Variants in CSMD1 observed in about 807,000 individuals in gnomAD.
The protein encoded by CSMD1 is CUB and sushi domain-containing protein 1.
CSMD1 carries 213 observed loss-of-function variants against 417.5 expected under a neutral mutation model. The observed-to-expected ratio is 0.51, with a 90% CI of 0.46 to 0.57. The LOEUF is 0.57. Ranked by LOEUF, CSMD1 falls within the 20% of genes least tolerant of loss-of-function variation. The pLI is 0.00. For synonymous variants in CSMD1, 2,862 were observed against 1,736.8 expected (o/e 1.65, Z -16.11); for missense variants, 6,923 against 4,529.7 (o/e 1.53, Z -15.17).
At chr8:4,719,275 T>TA (rs1808891752) in intron 1 of CSMD1, among the ~76,000 whole-genome samples, 1 of 152,186 alleles carries the variant, frequency 6.6e-6, no homozygotes, top group South Asian at 2.1e-4. Flanking sequence ...AGGACTAAAT[T>TA]AACAAAGTAG....
chr8:4,071,557 C>T (rs533517128), intron 3 of CSMD1, among the ~76,000 whole-genome samples: 64 of 152,154 alleles, frequency 4.2e-4, no homozygotes, highest in Admixed American at 1.2e-3. Flanking sequence ...AATCCTTCTC[C>T]GCTAATTCCA....
intron 37 of CSMD1, among the ~76,000 whole-genome samples, chr8:3,169,710 G>A (rs1563106202): frequency 7.3e-6 from 1 of 137,686 alleles, no homozygotes; most frequent in African/African-American, 2.6e-5. Flanking sequence ...TGAGTCTAGA[G>A]CTAGAAATAT....
chr8:4,036,634 G>C (rs112631748), intron 3 of CSMD1, among the ~76,000 whole-genome samples: 7 of 152,292 alleles, frequency 4.6e-5, no homozygotes, highest in African/African-American at 1.4e-4. Context: ...GGATGTCAAA[G>C]AAAAAACTAG....
At chr8:4,292,734 C>T (rs1244160613) in intron 3 of CSMD1, among the ~76,000 whole-genome samples, 2 of 152,112 alleles carry the variant, frequency 1.3e-5, no homozygotes, top group African/African-American at 2.4e-5. Flanking sequence ...TATTAGGCCT[C>T]TAGTATCTTC....
chr8:4,550,013 G>C (rs973503752), intron 2 of CSMD1, among the ~76,000 whole-genome samples: 13 of 150,966 alleles, frequency 8.6e-5, no homozygotes, highest in Admixed American at 4.0e-4. Flanking sequence ...TCAAGGACAA[G>C]AGTGGAGGAG....
rs187473952 is a variant in CSMD1 at position 4,381,382 on chromosome 8, G to C, written c.415+38571C>G. On this transcript the variant is annotated intron_variant, in intron 3 of 69. Coordinates refer to ENST00000635120, the MANE Select transcript of CSMD1 (RefSeq NM_033225.6). ...ACCCTATGACCCTGTGGCTGTAAGA[G>C]TAAGCAGGGGTGGAAAACCCATGAA... Among the ~76,000 whole-genome samples the C allele has an allele frequency of 1.3e-4, 20 of 152,228 alleles. No homozygotes were observed. In the East Asian group the frequency reaches 3.5e-3, roughly 26 times the overall value.
intron 2 of CSMD1, among the ~76,000 whole-genome samples, chr8:4,569,675 A>G (rs1798789648): frequency 6.6e-6 from 1 of 152,196 alleles, no homozygotes; most frequent in Admixed American, 6.5e-5. Flanking sequence ...AATTCTGTGA[A>G]CAAAGTCAAT....
intron 2 of CSMD1, among the ~76,000 whole-genome samples, chr8:4,623,712 A>G (rs1801916367): frequency 6.6e-6 from 1 of 152,146 alleles, no homozygotes. Flanking sequence ...TCTGAGTGAA[A>G]GAAGTTAGGC....
chr8:4,797,717 T>C (rs1222538055), intron 1 of CSMD1, among the ~76,000 whole-genome samples: 1 of 152,212 alleles, frequency 6.6e-6, no homozygotes, highest in Non-Finnish European at 1.5e-5. Flanking sequence ...AGATACCTCC[T>C]TAACTGGGAT....
At chr8:3,756,036 G>A (rs915639175) in intron 5 of CSMD1, among the ~76,000 whole-genome samples, 3 of 152,022 alleles carry the variant, frequency 2.0e-5, no homozygotes, top group Non-Finnish European at 4.4e-5. Flanking sequence ...CCACTCACCT[G>A]TACTTACTGA....
At chr8:4,034,973 C>G (rs549487619) in intron 3 of CSMD1, among the ~76,000 whole-genome samples, 29 of 152,162 alleles carry the variant, frequency 1.9e-4, no homozygotes, top group South Asian at 8.3e-4. Context: ...TTAGTCTGCG[C>G]GACTCTTCTA....
At chr8:3,668,642 T>G (rs578052012) in intron 7 of CSMD1, among the ~76,000 whole-genome samples, 34 of 151,746 alleles carry the variant, frequency 2.2e-4, no homozygotes, top group Non-Finnish European at 4.3e-4. Context: ...CTGAACAGAG[T>G]GTGCAATATA....
chr8:4,848,286 G>T (rs1801260656), intron 1 of CSMD1, among the ~76,000 whole-genome samples: 1 of 152,140 alleles, frequency 6.6e-6, no homozygotes, highest in Admixed American at 6.5e-5. Flanking sequence ...AAACATTGTT[G>T]TACCAGTTTT....
intron 3 of CSMD1, among the ~76,000 whole-genome samples, chr8:4,337,503 G>A (rs1023506449): frequency 2.0e-5 from 3 of 151,900 alleles, no homozygotes; most frequent in South Asian, 2.1e-4. Context: ...TATATTCTAA[G>A]GATAATTAAT....
intron 1 of CSMD1, among the ~76,000 whole-genome samples, chr8:4,770,597 C>G (rs771421633): frequency 6.6e-6 from 1 of 151,826 alleles, no homozygotes; most frequent in African/African-American, 2.4e-5. Flanking sequence ...AAACCTATGG[C>G]ATTGGCATAA....
chr8:3,621,331 A>G (rs1049318883), intron 7 of CSMD1, among the ~76,000 whole-genome samples: 2 of 152,198 alleles, frequency 1.3e-5, no homozygotes, highest in African/African-American at 4.8e-5. Context: ...TATGTTGCCC[A>G]CAAGAGACTC....
At chr8:4,908,476 A>G (rs73185798) in intron 1 of CSMD1, among the ~76,000 whole-genome samples, 27,120 of 152,050 alleles carry the variant, frequency 0.18, 2,534 homozygotes, top group East Asian at 0.29. Context: ...TAGTATTCCA[A>G]TGAATTTTAC....
chr8:4,309,436 T>G (rs542418165), intron 3 of CSMD1, among the ~76,000 whole-genome samples: 1 of 151,266 alleles, frequency 6.6e-6, no homozygotes, highest in African/African-American at 2.5e-5. Context: ...TCAAAATTTT[T>G]ATAATTTTAA....
At chr8:4,516,936 T>C (rs1418569534) in intron 2 of CSMD1, among the ~76,000 whole-genome samples, 1 of 152,178 alleles carries the variant, frequency 6.6e-6, no homozygotes, top group Non-Finnish European at 1.5e-5. Context: ...CTCAGAATTA[T>C]TAATTTCATG....
Sources: allele counts gnomAD v4.1 joint callset (sites outside exome capture counted in the v4.1 genomes callset), GRCh38; gene constraint gnomAD v4.1.1; transcripts MANE v1.5; gene names NCBI Gene and HGNC (gene_info 2026-07-23, HGNC 2026-07-21).